Variants in SLC5A1 observed in about 807,000 individuals in gnomAD.
SLC5A1 encodes the protein sodium/glucose cotransporter 1.
SLC5A1 carries 42 observed loss-of-function variants against 73.5 expected under a neutral mutation model. The ratio of observed to expected loss-of-function variants is 0.57; its 90% CI spans 0.45 to 0.74. The LOEUF (loss-of-function observed/expected upper bound fraction) is 0.74, where lower values mean the gene tolerates loss of function less well. Ranked by LOEUF, SLC5A1 falls within the 30% of genes least tolerant of loss-of-function variation. The pLI is 0.00. For synonymous variants in SLC5A1, 300 were observed against 317.4 expected, an observed-to-expected ratio of 0.95 and a Z score of 0.58; for missense variants, 634 against 855.4, an observed-to-expected ratio of 0.74 and a Z score of 3.23.
At chr22:32,062,901 G>A (rs1166292187) in intron 2 of SLC5A1, among the ~76,000 whole-genome samples, 1 of 152,136 alleles carries the variant, frequency 6.6e-6, no homozygotes, top group African/African-American at 2.4e-5. Flanking sequence ...AGACTAGGTG[G>A]CTTAAACAAC....
At chr22:32,044,336 T>C (rs1569297265) in intron 1 of SLC5A1, among the ~76,000 whole-genome samples, 1 of 152,024 alleles carries the variant, frequency 6.6e-6, no homozygotes, top group Non-Finnish European at 1.5e-5. Context: ...ACAAAAAATA[T>C]ATAAAATGTT....
rs1054651664 is a variant in SLC5A1 at position 32,043,911 on chromosome 22, C to T, written c.135+495C>T. Among the ~76,000 whole-genome samples the T allele has an allele frequency of 2.0e-5, 3 of 152,134 alleles. No individual in the cohort carries two copies. The highest frequency in any genetic ancestry group is 7.2e-5 in the African/African-American group (3 of 41,418). ...CAGACAGAGGGATGCTGACCCATGC[C>T]CCACTCCTGGGAGAGGCTAACCCAG... is the stretch of plus-strand genomic sequence containing the variant. On this transcript the variant is annotated intron_variant, in intron 1 of 14. Transcript: ENST00000266088. This position sits in a 1 kb window ranked among gnomAD's most constrained non-coding sequence, Gnocchi z 6.5.
At chr22:32,081,673 T>A (rs1219102352) in intron 5 of SLC5A1, among the ~76,000 whole-genome samples, 193 bp from the exon 6 acceptor site, 1 of 152,248 alleles carries the variant, frequency 6.6e-6, no homozygotes, top group Non-Finnish European at 1.5e-5. Flanking sequence ...TCAGAAAAGT[T>A]GTGTGGCAAA....
At chr22:32,091,510 A>T (rs1216503340) in intron 10 of SLC5A1, 102 bp from the exon 11 acceptor site, 21 of 1,328,268 alleles carry the variant, frequency 1.6e-5, no homozygotes, top group Non-Finnish European at 2.3e-5. Context: ...ATAACATGGC[A>T]TGGTTTCAGA....
intron 5 of SLC5A1, among the ~76,000 whole-genome samples, chr22:32,078,430 G>A (rs1031327888): frequency 6.6e-6 from 1 of 151,878 alleles, no homozygotes; most frequent in African/African-American, 2.4e-5. Flanking sequence ...ACCACACCTG[G>A]CTAATTTTTG....
In SLC5A1 at chr22:32,043,370, C is replaced by T. The variant is rs201689857; in HGVS notation, c.89C>T (p.Ser30Phe). The T allele has an allele frequency of 4.1e-5, 66 of 1,614,004 alleles. No individual in the cohort carries two copies. The highest frequency in any genetic ancestry group is 5.3e-5 in the Non-Finnish European group (63 of 1,180,004). ...HELIRNAADI[S>F]IIVIYFVVVM... ...CTCATTCGCAATGCAGCCGATATCT[C>T]CATCATCGTTATCTACTTCGTGGTA... Residue 30 changes from serine to phenylalanine, a missense_variant, in exon 1 of 15, where the codon TCC becomes TTC. This residue lies in a region of SLC5A1 where 51 missense variants were observed against 50.5 expected (regional missense o/e 1.01). Transcript: ENST00000266088. This position sits in a 1 kb window ranked among gnomAD's most constrained non-coding sequence, Gnocchi z 6.5.
intron 3 of SLC5A1, 47 bp downstream of exon 3, chr22:32,067,086 A>G (rs1382123084): frequency 2.8e-6 from 4 of 1,417,830 alleles, no homozygotes; most frequent in Admixed American, 3.4e-5. Flanking sequence ...AAGGAGCCTT[A>G]GCAGTCAACC....
Position 32,061,043 on chromosome 22 carries a change from G to A in SLC5A1, c.208-5892G>A, listed in dbSNP as rs1181950592. ...GAGCTTATTACTCTGATTTCAATAG[G>A]TCTGGGTGGGTCATTAAATAGAGTA... On this transcript the variant is annotated intron_variant, in intron 2 of 14. Coordinates refer to ENST00000266088, the MANE Select transcript of SLC5A1 (RefSeq NM_000343.4). 3.9e-5 allele frequency among the ~76,000 whole-genome samples: 6 copies of A among 152,154 alleles called. No homozygotes were observed. The South Asian group carries it at 1.2e-3, about 32-fold the overall frequency.
chr22:32,095,566 C>T (rs1344554776), intron 11 of SLC5A1, among the ~76,000 whole-genome samples: 1 of 152,164 alleles, frequency 6.6e-6, no homozygotes, highest in East Asian at 1.9e-4. Flanking sequence ...ACATTTTCCC[C>T]TTGGACAAGG....
intron 10 of SLC5A1, among the ~76,000 whole-genome samples, chr22:32,086,546 G>T (rs924998635): frequency 6.6e-6 from 1 of 152,164 alleles, no homozygotes; most frequent in Non-Finnish European, 1.5e-5. Flanking sequence ...TCTGGGACTT[G>T]CCCATCAGTC....
rs149707418 is a variant in SLC5A1 at position 32,076,031 on chromosome 22, G to A, written c.478-5835G>A. ...ATTGTGTGTGTGTGTGGAAGGGCAC[G>A]GATGGTTTGTGATGGGTGAGAAGAG... On this transcript the variant is annotated intron_variant, in intron 5 of 14. Coordinates refer to ENST00000266088, the MANE Select transcript of SLC5A1 (RefSeq NM_000343.4). Among the ~76,000 whole-genome samples the A allele has an allele frequency of 4.3e-3, 657 of 152,280 alleles. 5 individuals carry two copies. Among genetic ancestry groups the A allele is most frequent in the African/African-American group, 0.015 (630 of 41,548 alleles).
intron 5 of SLC5A1, among the ~76,000 whole-genome samples, chr22:32,069,577 G>A (rs993521576): frequency 2.6e-5 from 4 of 152,076 alleles, no homozygotes; most frequent in African/African-American, 4.8e-5. Flanking sequence ...TTTGTTTGAG[G>A]TAATGTATAT....
intron 5 of SLC5A1, among the ~76,000 whole-genome samples, chr22:32,073,465 C>CGACCCAT: frequency 6.6e-6 from 1 of 152,270 alleles, no homozygotes; most frequent in Middle Eastern, 3.4e-3. Context: ...CTTCTGCCCT[C>CGACCCAT]GACCCATGCC....
chr22:32,050,653 A>C (rs559036097), intron 2 of SLC5A1, among the ~76,000 whole-genome samples: 1 of 152,334 alleles, frequency 6.6e-6, no homozygotes, highest in South Asian at 2.1e-4. Context: ...AAACTCTGGA[A>C]ACAGACTCTG....
intron 11 of SLC5A1, among the ~76,000 whole-genome samples, chr22:32,094,816 A>ATT (rs563240057): frequency 0.01 from 1,522 of 146,270 alleles, 22 homozygotes; most frequent in African/African-American, 0.035. Context: ...TATCTTTTGT[A>ATT]TTTTTTTTTT....
chr22:32,052,635 C>G (rs750993759), intron 2 of SLC5A1, among the ~76,000 whole-genome samples: 19 of 152,166 alleles, frequency 1.2e-4, no homozygotes, highest in Middle Eastern at 3.2e-3. Flanking sequence ...TTGGCCCTCT[C>G]TCCCTGCTCT....
chr22:32,077,700 C>T (rs1018779156), intron 5 of SLC5A1, among the ~76,000 whole-genome samples: 5 of 152,118 alleles, frequency 3.3e-5, no homozygotes, highest in African/African-American at 7.2e-5. Context: ...AGAAATAAAA[C>T]ATTACAGATA....
intron 1 of SLC5A1, among the ~76,000 whole-genome samples, chr22:32,047,021 A>G (rs969744785): frequency 2.8e-4 from 42 of 152,176 alleles, no homozygotes; most frequent in African/African-American, 9.9e-4. Context: ...ATATGGTAAC[A>G]CAAAGTAAAA....
intron 2 of SLC5A1, among the ~76,000 whole-genome samples, chr22:32,052,505 G>C (rs537899757): frequency 6.6e-6 from 1 of 152,150 alleles, no homozygotes; most frequent in Non-Finnish European, 1.5e-5. Flanking sequence ...GAGGGAACCA[G>C]GCAACTGGAC....
Sources: gnomAD v4.1 joint callset for allele counts (sites outside exome capture counted in the v4.1 genomes callset) on GRCh38, gnomAD v4.1.1 for gene constraint, gnomAD v4.1.1 regional missense constraint, Gnocchi (gnomAD v3.1) non-coding constraint, MANE v1.5 for transcripts, NCBI Gene and HGNC (gene_info 2026-07-23, HGNC 2026-07-21) for gene names.